Variants in WASL observed in about 807,000 individuals in gnomAD.
WASL encodes actin nucleation-promoting factor WASL.
A neutral mutation model predicts 55.5 loss-of-function variants in WASL; 20 were observed. The ratio of observed to expected loss-of-function variants is 0.36; its 90% CI spans 0.25 to 0.52. The LOEUF is 0.52. WASL is among the 20% of genes least tolerant of loss of function. The pLI, the probability that WASL is intolerant of heterozygous loss-of-function variation, is 0.92. For missense variants in WASL, 504 were observed against 622.5 expected (o/e 0.81, Z 2.03); for synonymous variants, 249 against 217.6 (o/e 1.14, Z -1.27).
chr7:123,710,442 C>T (rs575144704), intron 1 of WASL, among the ~76,000 whole-genome samples: 28 of 152,082 alleles, frequency 1.8e-4, no homozygotes, highest in African/African-American at 6.0e-4. Flanking sequence ...TGAAGATATG[C>T]TGTTTTAGGT....
intron 5 of WASL, among the ~76,000 whole-genome samples, chr7:123,702,513 G>A (rs952692175): frequency 2.0e-5 from 3 of 152,140 alleles, no homozygotes; most frequent in Admixed American, 6.5e-5. Flanking sequence ...CATATTCACA[G>A]TTCCATATCC....
At chr7:123,738,014 T>C (rs564807395) in intron 1 of WASL, among the ~76,000 whole-genome samples, 5 of 152,190 alleles carry the variant, frequency 3.3e-5, no homozygotes, top group Admixed American at 2.6e-4. Context: ...AGAAAATTGG[T>C]CTAAGGACAA....
intron 1 of WASL, among the ~76,000 whole-genome samples, chr7:123,740,416 A>C (rs920303373): frequency 6.6e-6 from 1 of 152,018 alleles, no homozygotes; most frequent in Non-Finnish European, 1.5e-5. Context: ...ATAACTCTCG[A>C]ATACTTCTGA....
intron 4 of WASL, among the ~76,000 whole-genome samples, chr7:123,704,895 G>A (rs1803643961): frequency 6.6e-6 from 1 of 152,166 alleles, no homozygotes; most frequent in Non-Finnish European, 1.5e-5. Context: ...GGACTACAGT[G>A]AGCAAATGGC....
At chr7:123,688,475 C>A (rs1363250392) in intron 10 of WASL, among the ~76,000 whole-genome samples, 2 of 152,144 alleles carry the variant, frequency 1.3e-5, no homozygotes, top group African/African-American at 4.8e-5. Context: ...ATTCTCCTGC[C>A]TCAGCCTCCC....
rs1408986145 is a variant in WASL, at chr7:123,719,361, A to AGAGG, written c.118-10139_118-10138insCCTC. On this transcript the variant is annotated intron_variant, in intron 1 of 10. Transcript: ENST00000223023. The stretch of plus-strand genomic sequence containing the variant: ...TCGAAATCCATGCTCCCAAAAGTGA[A>AGAGG]GTACCCTCTCTGACTCTCCTTTCAC... 2.0e-5 allele frequency among the ~76,000 whole-genome samples: 3 copies of AGAGG among 152,320 alleles called. No individual in the cohort carries two copies. In the East Asian group the frequency reaches 5.8e-4, roughly 29 times the overall value.
intron 4 of WASL, among the ~76,000 whole-genome samples, chr7:123,705,382 G>A (rs1318883230): frequency 1.3e-5 from 2 of 152,186 alleles, no homozygotes; most frequent in East Asian, 3.8e-4. Context: ...ACAGGACATG[G>A]ATCAAATATT....
chr7:123,706,741 T>A lies in WASL; in HGVS notation c.338A>T (p.Asp113Val), dbSNP rs1371700476. ...GCAATAAAGAAAAATATGACTTACATCTCCAGCAAAGGTATGAAAATATCC... is the reference window on the plus strand; with the variant it reads ...GCAATAAAGAAAAATATGACTTACAACTCCAGCAAAGGTATGAAAATATCC... ...PRGYFHTFAG[D>V]TCQVALNFAN... The change falls in exon 3 of 11, where the codon GAT becomes GTT. Residue 113 changes from aspartate (D) to valine (V), a missense_variant and splice_region_variant. By Grantham distance (152) the Asp-to-Val change is radical. This residue lies in a region of WASL where 230 missense variants were observed against 271.9 expected (regional missense o/e 0.85). Transcript: ENST00000223023. The A allele has an allele frequency of 6.4e-7, 1 of 1,560,178 alleles. No homozygotes were observed. Among genetic ancestry groups the A allele is most frequent in the Non-Finnish European group, 8.6e-7 (1 of 1,158,054 alleles).
chr7:123,706,597 C>T lies in WASL; in HGVS notation c.339+143G>A. On this transcript the variant is annotated intron_variant, in intron 3 of 10. Coordinates refer to ENST00000223023, the MANE Select transcript of WASL (RefSeq NM_003941.4). Reference sequence around the variant, plus strand: ...TTACCTATCACAGCAGACACATATACTAATTTGAATATTTCATCTTCAGCA... The same window carrying T: ...TTACCTATCACAGCAGACACATATATTAATTTGAATATTTCATCTTCAGCA... The T allele has an allele frequency of 9.1e-6, 7 of 768,112 alleles. No individual in the cohort carries two copies. In the South Asian group the frequency reaches 1.3e-4, roughly 14 times the overall value. 47.6% of individuals were successfully genotyped at this position (768,112 alleles called of 1,614,324 possible). A position where few individuals can be genotyped will look rare whatever the true frequency, so the allele number is the denominator to read the frequency against.
At chr7:123,748,082 T>C (rs1804469054) in intron 1 of WASL, among the ~76,000 whole-genome samples, 1 of 151,992 alleles carries the variant, frequency 6.6e-6, no homozygotes, top group African/African-American at 2.4e-5. Context: ...ATAACATTTC[T>C]TGCACCCTCT....
At chr7:123,732,481 A>G (rs1002404941) in intron 1 of WASL, among the ~76,000 whole-genome samples, 4 of 152,236 alleles carry the variant, frequency 2.6e-5, no homozygotes, top group African/African-American at 9.6e-5. Flanking sequence ...TCCTGGAAAG[A>G]CACGATCTAT....
At chr7:123,707,160 T>C (rs971839177) in intron 2 of WASL, among the ~76,000 whole-genome samples, 1 of 152,134 alleles carries the variant, frequency 6.6e-6, no homozygotes, top group Non-Finnish European at 1.5e-5. Context: ...CAATGTTACA[T>C]AGAAGGAATA....
chr7:123,726,043 T>A (rs1467521581), intron 1 of WASL, among the ~76,000 whole-genome samples: 1 of 152,214 alleles, frequency 6.6e-6, no homozygotes, highest in East Asian at 1.9e-4. Context: ...AAAGCCAGTA[T>A]TAACTCTGTT....
chr7:123,720,736 C>T (rs1233553655), intron 1 of WASL, among the ~76,000 whole-genome samples: 2 of 151,186 alleles, frequency 1.3e-5, no homozygotes, highest in Admixed American at 6.6e-5. Context: ...CTGCAAGCTC[C>T]GCCTCCTGGG....
intron 1 of WASL, among the ~76,000 whole-genome samples, chr7:123,728,556 T>C (rs982441948): frequency 2.0e-5 from 3 of 152,130 alleles, no homozygotes; most frequent in Non-Finnish European, 2.9e-5. Flanking sequence ...AAAACATTAA[T>C]GTCAGCCGGG....
rs200081792 is a variant in WASL, at chr7:123,692,574, G to A, written c.1120C>T (p.Pro374Ser). ...SVLGVGPVAP[P>S]PPPPPPPPPG... is the part of the protein sequence containing the mutation. ...GGAGGTGGAGGTGGAGGCGGTGGGG[G>A]TGGTGCCACTGGCCCTACCCCCAAC... The change falls in exon 9 of 11, where the codon CCC becomes TCC. Residue 374 changes from proline to serine, a missense_variant. By Grantham distance (74) the Pro-to-Ser change is moderately conservative. Around this residue, in one of 5 missense-constraint regions of WASL, gnomAD observed 201 missense variants for 206.2 expected, o/e 0.97. Coordinates refer to ENST00000223023, the MANE Select transcript of WASL (RefSeq NM_003941.4). The A allele has an allele frequency of 1.3e-4, 210 of 1,612,902 alleles. 1 individual carries two copies. The East Asian group carries it at 1.5e-3, about 12-fold the overall frequency.
At chr7:123,705,831 CT>C (rs1803660183) in intron 4 of WASL, among the ~76,000 whole-genome samples, 1 of 152,086 alleles carries the variant, frequency 6.6e-6, no homozygotes, top group South Asian at 2.1e-4. Flanking sequence ...AGCAACTCTG[CT>C]TATTTGCTTC....
chr7:123,740,132 T>TGTATTAGTAAAGTTTATGTATTA lies in WASL; in HGVS notation c.117+8485_117+8486insTAATACATAAACTTTACTAATAC, dbSNP rs534333256. On this transcript the variant is annotated intron_variant, in intron 1 of 10. Transcript: ENST00000223023. ...ATCATTTCAGTTTCTAGCTAGTTTA[T>TGTATTAGTAAAGTTTATGTATTA]GCATCAGTTTATGTATTAGTAAAGG... Among the ~76,000 whole-genome samples, 34 of 152,256 alleles carry TGTATTAGTAAAGTTTATGTATTA rather than the reference T, an allele frequency of 2.2e-4. No homozygotes were observed. The South Asian group carries it at 6.8e-3, about 31-fold the overall frequency.
intron 1 of WASL, among the ~76,000 whole-genome samples, chr7:123,710,544 A>C (rs1300593463): frequency 6.6e-6 from 1 of 152,192 alleles, no homozygotes; most frequent in Non-Finnish European, 1.5e-5. Flanking sequence ...TAGATACTAA[A>C]TTCAGAAATG....
Sources: gnomAD v4.1 joint callset for allele counts (sites outside exome capture counted in the v4.1 genomes callset) on GRCh38, gnomAD v4.1.1 for gene constraint, gnomAD v4.1.1 regional missense constraint, MANE v1.5 for transcripts, NCBI Gene and HGNC (gene_info 2026-07-23, HGNC 2026-07-21) for gene names.